MITF: variants seen among roughly 807,000 people sequenced by gnomAD.
MITF encodes the protein melanocyte inducing transcription factor.
A neutral mutation model predicts 60.5 loss-of-function variants in MITF; 17 were observed. That is an observed-to-expected ratio of 0.28 (90% CI 0.19 to 0.42). MITF has a LOEUF of 0.42. Among genes scored for constraint, MITF ranks in the 10% least tolerant of loss-of-function variants. MITF has a pLI of 1.00. For missense variants in MITF, 622 were observed against 683.5 expected (o/e 0.91, Z 1.00); for synonymous variants, 260 against 248.5 (o/e 1.05, Z -0.43).
intron 8 of MITF, 92 bp from the exon 9 acceptor site, chr3:69,959,181 A>G: frequency 6.8e-7 from 1 of 1,470,856 alleles, no homozygotes; most frequent in Non-Finnish European, 9.2e-7. Flanking sequence ...AAAATTTTAA[A>G]AAGTTCAAAA....
intron 1 of MITF, among the ~76,000 whole-genome samples, chr3:69,753,220 G>T (rs996048246): frequency 6.6e-6 from 1 of 152,208 alleles, no homozygotes; most frequent in African/African-American, 2.4e-5. Context: ...CTGCTTCAGA[G>T]GGTGCAAGCT....
Position 69,760,688 on chromosome 3 carries a change from C to T in MITF, c.104+20987C>T, listed in dbSNP as rs200017745. On this transcript the variant is annotated intron_variant, in intron 1 of 9. Coordinates refer to ENST00000352241, the MANE Select transcript of MITF (RefSeq NM_001354604.2). Reference sequence around the variant, plus strand: ...TTGCCTTTGGTGCCATTTGCTAGTTCTGGTGGGTTTCTTCATTTCTTCCTG... The same window carrying T: ...TTGCCTTTGGTGCCATTTGCTAGTTTTGGTGGGTTTCTTCATTTCTTCCTG... 2.6e-5 allele frequency among the ~76,000 whole-genome samples: 4 copies of T among 152,208 alleles called. No individual in the cohort carries two copies. The East Asian group carries it at 7.7e-4, about 29-fold the overall frequency.
chr3:69,807,630 A>G (rs1396774579), intron 1 of MITF, among the ~76,000 whole-genome samples: 1 of 152,244 alleles, frequency 6.6e-6, no homozygotes, highest in Non-Finnish European at 1.5e-5. Flanking sequence ...TACTAAGTGA[A>G]GTTATTAAGG....
intron 1 of MITF, among the ~76,000 whole-genome samples, chr3:69,741,727 A>C (rs1703536151): frequency 2.6e-5 from 4 of 152,220 alleles, no homozygotes; most frequent in Admixed American, 2.6e-4. Context: ...TGCTCTTTGA[A>C]ATAAACCAGT....
At chr3:69,745,555 A>G (rs1703691022) in intron 1 of MITF, among the ~76,000 whole-genome samples, 1 of 152,206 alleles carries the variant, frequency 6.6e-6, no homozygotes, top group Non-Finnish European at 1.5e-5. Context: ...ACACTAAGTA[A>G]AATGTTAGAC....
intron 1 of MITF, among the ~76,000 whole-genome samples, chr3:69,782,828 C>T (rs1362855809): frequency 2.6e-5 from 4 of 152,082 alleles, no homozygotes; most frequent in Non-Finnish European, 5.9e-5. Context: ...TATTTAATCT[C>T]TTAATTGGAG....
intron 2 of MITF, among the ~76,000 whole-genome samples, chr3:69,897,747 C>G (rs1228343215): frequency 6.6e-6 from 1 of 152,136 alleles, no homozygotes; most frequent in Non-Finnish European, 1.5e-5. Context: ...CTCTTTTGCT[C>G]ACTTCTGTAT....
intron 1 of MITF, among the ~76,000 whole-genome samples, chr3:69,877,324 C>T (rs2064378046): frequency 6.6e-6 from 1 of 151,922 alleles, no homozygotes; most frequent in African/African-American, 2.4e-5. Flanking sequence ...CACAACATTT[C>T]TGAATCAAAT....
chr3:69,860,596 T>C (rs1371342723), intron 1 of MITF, among the ~76,000 whole-genome samples: 4 of 49,050 alleles, frequency 8.2e-5, no homozygotes, highest in Admixed American at 2.7e-4. Flanking sequence ...AGACTCCGTC[T>C]CAAAAAAAAA....
chr3:69,873,363 A>T (rs1031012174), intron 1 of MITF, among the ~76,000 whole-genome samples: 3 of 152,150 alleles, frequency 2.0e-5, no homozygotes, highest in African/African-American at 4.8e-5. Context: ...ACTACCATTT[A>T]AAAAAAATAT....
intron 5 of MITF, among the ~76,000 whole-genome samples, chr3:69,948,131 A>G (rs1045384339): frequency 1.3e-5 from 2 of 152,200 alleles, no homozygotes; most frequent in Non-Finnish European, 1.5e-5. Flanking sequence ...GTTTGAATCA[A>G]TCTAGTAATG....
chr3:69,755,723 C>T (rs1704121097), intron 1 of MITF, among the ~76,000 whole-genome samples: 1 of 152,092 alleles, frequency 6.6e-6, no homozygotes, highest in South Asian at 2.1e-4. Context: ...TGGATACCTT[C>T]ATCAGTTACA....
chr3:69,965,143 C>T lies in MITF; in HGVS notation c.1476C>T (p.Pro492=), dbSNP rs745749254. ...TCCTGATGGACGACACCCTTTCTCCCGTCGGTGTCACTGATCCACTCCTTT... is the reference window on the plus strand; with the variant it reads ...TCCTGATGGACGACACCCTTTCTCCTGTCGGTGTCACTGATCCACTCCTTT... ...EDILMDDTLS[P]VGVTDPLLSS... is the part of the protein sequence containing the mutation. Residue 492 remains proline, a synonymous_variant, in exon 10 of 10, where the codon CCC becomes CCT. Transcript: ENST00000352241. The T allele has an allele frequency of 1.4e-5, 22 of 1,613,956 alleles. No homozygotes were observed. The highest frequency in any genetic ancestry group is 1.9e-5 in the Non-Finnish European group (22 of 1,179,998).
In MITF at chr3:69,946,354, A is replaced by G. The variant is rs76905209; in HGVS notation, c.763-2697A>G. 5.6e-3 allele frequency among the ~76,000 whole-genome samples: 846 copies of G among 152,304 alleles called. 3 individuals are homozygous for G. Among genetic ancestry groups the G allele is most frequent in the Middle Eastern group, 0.014 (4 of 294 alleles). ...TATCCACATTCGGCTAGTAAGCGGC[A>G]GGGTTTTTATTTCCTCAGGTCTAAT... is the stretch of plus-strand genomic sequence containing the variant. On this transcript the variant is annotated intron_variant, in intron 5 of 9. Coordinates refer to ENST00000352241, the MANE Select transcript of MITF (RefSeq NM_001354604.2).
chr3:69,917,456 T>G (rs1010372935), intron 2 of MITF, among the ~76,000 whole-genome samples: 7 of 148,666 alleles, frequency 4.7e-5, no homozygotes, highest in Middle Eastern at 7.1e-3. Context: ...ATGAGGGTGG[T>G]TCATTCATGG....
At chr3:69,852,918 C>A (rs1407941334) in intron 1 of MITF, among the ~76,000 whole-genome samples, 2 of 151,996 alleles carry the variant, frequency 1.3e-5, no homozygotes, top group African/African-American at 4.8e-5. Context: ...CAAGAGAACA[C>A]CCCAAGCAAG....
At chr3:69,866,163 G>A (rs923967948) in intron 1 of MITF, 1 of 1,530,648 alleles carries the variant, frequency 6.5e-7, no homozygotes, top group African/African-American at 1.4e-5. Flanking sequence ...TTCTAGCACA[G>A]AGCTGTGTTT....
At chr3:69,754,683 T>G (rs187026710) in intron 1 of MITF, among the ~76,000 whole-genome samples, 1 of 151,888 alleles carries the variant, frequency 6.6e-6, no homozygotes, top group East Asian at 1.9e-4. Context: ...TGTAGCAGTG[T>G]GAGAATGGAC....
chr3:69,891,176 T>A (rs1054503205), intron 2 of MITF, among the ~76,000 whole-genome samples: 1 of 152,182 alleles, frequency 6.6e-6, no homozygotes, highest in African/African-American at 2.4e-5. Context: ...ACCTAAATAA[T>A]TTTTCAACTA....
Sources: gnomAD v4.1 joint callset for allele counts (sites outside exome capture counted in the v4.1 genomes callset) on GRCh38, gnomAD v4.1.1 for gene constraint, MANE v1.5 for transcripts, NCBI Gene and HGNC (gene_info 2026-07-23, HGNC 2026-07-21) for gene names.